Variants in ABCB7 observed in about 807,000 individuals in gnomAD.
ABCB7 encodes ATP binding cassette subfamily B member 7.
Under a neutral mutation model 54.4 loss-of-function variants are expected in ABCB7, and 7 were observed. The observed-to-expected ratio is 0.13, with a 90% CI of 0.07 to 0.24. The LOEUF is 0.24. Ranked by LOEUF, ABCB7 falls within the 10% of genes least tolerant of loss-of-function variation. The probability of loss-of-function intolerance (pLI) is 1.00; values close to 1 mark genes in which losing one functional copy is unlikely to be tolerated. For synonymous variants in ABCB7, 218 were observed against 207.1 expected, an observed-to-expected ratio of 1.05 and a Z score of -0.45; for missense variants, 356 against 570.4, an observed-to-expected ratio of 0.62 and a Z score of 3.83.
At chrX:75,146,169 C>G (rs991506030) in intron 1 of ABCB7, among the ~76,000 whole-genome samples, 2 of 110,891 alleles carry the variant, frequency 1.8e-5, no homozygotes, top group Non-Finnish European at 3.8e-5. Flanking sequence ...AGAGATGACA[C>G]AAACAAATGG....
intron 3 of ABCB7, among the ~76,000 whole-genome samples, chrX:75,100,806 G>A (rs1248442946): frequency 2.7e-5 from 3 of 111,793 alleles, no homozygotes; most frequent in Non-Finnish European, 5.7e-5. Context: ...GCCAAATACA[G>A]TGACTGACAT....
At position 75,053,241 on chromosome X, in the gene ABCB7, T is replaced by G; in HGVS notation, c.*129A>C. 2.2e-6 allele frequency: 2 copies of G among 908,325 alleles called. No homozygotes were observed. Among genetic ancestry groups the G allele is most frequent in the Non-Finnish European group, 3.0e-6 (2 of 664,165 alleles). The allele number at this position is 908,325 out of a possible 1,213,427, so 74.9% of individuals were successfully genotyped here. A position where few individuals can be genotyped will look rare whatever the true frequency, so the allele number is the denominator to read the frequency against. ...TGAAAGATGTAAAACTCAAATCCCC[T>G]TTTAAATAAATCTTATCTAAAAGAA... On this transcript the variant is annotated 3_prime_UTR_variant, in exon 16 of 16. Coordinates refer to ENST00000373394, the MANE Select transcript of ABCB7 (RefSeq NM_001271696.3).
At chrX:75,083,958 G>A (rs2081476353) in intron 4 of ABCB7, among the ~76,000 whole-genome samples, 1 of 110,973 alleles carries the variant, frequency 9.0e-6, no homozygotes, top group African/African-American at 3.3e-5. Flanking sequence ...CTTTATCCTT[G>A]ATTTTGTGGG....
chrX:75,055,047 C>A (rs2081225921), intron 15 of ABCB7, among the ~76,000 whole-genome samples: 2 of 111,640 alleles, frequency 1.8e-5, no homozygotes, highest in African/African-American at 6.5e-5. Context: ...TCTCTATATT[C>A]TCTTTCTTTT....
chrX:75,140,467 A>G (rs776078581), intron 1 of ABCB7, among the ~76,000 whole-genome samples: 8 of 110,912 alleles, frequency 7.2e-5, no homozygotes, highest in Non-Finnish European at 1.3e-4. Flanking sequence ...CCAAATATTG[A>G]AACAAATCCA....
intron 4 of ABCB7, among the ~76,000 whole-genome samples, chrX:75,079,765 C>T (rs1209494870): frequency 9.0e-6 from 1 of 111,527 alleles, no homozygotes; most frequent in Non-Finnish European, 1.9e-5. Context: ...TGCAATTTTA[C>T]CGCACGTTCA....
intron 4 of ABCB7, among the ~76,000 whole-genome samples, chrX:75,081,084 A>G (rs1181228353): frequency 1.8e-5 from 2 of 111,941 alleles, no homozygotes; most frequent in Non-Finnish European, 3.8e-5. Context: ...AAGTGGTGAC[A>G]CAGGAGGCCT....
At chrX:75,131,929 G>A (rs2081977220) in intron 1 of ABCB7, among the ~76,000 whole-genome samples, 1 of 111,377 alleles carries the variant, frequency 9.0e-6, no homozygotes, top group South Asian at 3.8e-4. Context: ...TTTTGAGCTG[G>A]AGAAGGAAAA....
chrX:75,146,453 T>C (rs2082091746), intron 1 of ABCB7, among the ~76,000 whole-genome samples: 1 of 111,881 alleles, frequency 8.9e-6, no homozygotes, highest in Admixed American at 9.5e-5. Context: ...AACCGCATGG[T>C]ACTGGTACAA....
At chrX:75,053,954 TAC>T (rs1374461901) in intron 15 of ABCB7, among the ~76,000 whole-genome samples, 1 of 112,431 alleles carries the variant, frequency 8.9e-6, no homozygotes, top group African/African-American at 3.2e-5. Context: ...CACTGTTATT[TAC>T]AGAGACTTAA....
chrX:75,150,131 C>G (rs967280068), intron 1 of ABCB7, among the ~76,000 whole-genome samples: 3 of 111,135 alleles, frequency 2.7e-5, no homozygotes, highest in Non-Finnish European at 5.7e-5. Flanking sequence ...AAAGCAGGGA[C>G]AAAACCCATG....
chrX:75,077,641 A>G (rs992175539), intron 4 of ABCB7, among the ~76,000 whole-genome samples: 1 of 111,827 alleles, frequency 8.9e-6, no homozygotes, highest in Non-Finnish European at 1.9e-5. Context: ...TTTAGCTATA[A>G]CTGATAGAAG....
At chrX:75,093,283 GA>G (rs1400619088) in intron 4 of ABCB7, among the ~76,000 whole-genome samples, 1 of 111,539 alleles carries the variant, frequency 9.0e-6, no homozygotes, top group African/African-American at 3.3e-5. Flanking sequence ...TGAATATCTT[GA>G]AATACATATT....
At chrX:75,127,047 AACTCATC>A (rs1433651384) in intron 1 of ABCB7, among the ~76,000 whole-genome samples, 1 of 111,784 alleles carries the variant, frequency 8.9e-6, no homozygotes, top group African/African-American at 3.3e-5. Context: ...ACTCCTCTCT[AACTCATC>A]TTATGTGGTT....
chrX:75,068,389 T>C (rs1356471283), intron 12 of ABCB7, among the ~76,000 whole-genome samples: 1 of 111,903 alleles, frequency 8.9e-6, no homozygotes, highest in African/African-American at 3.2e-5. Context: ...ATCTACTTCT[T>C]AACTTCTCAG....
intron 4 of ABCB7, among the ~76,000 whole-genome samples, chrX:75,078,159 G>A (rs2081426397): frequency 9.1e-6 from 1 of 109,736 alleles, no homozygotes; most frequent in African/African-American, 3.3e-5. Context: ...TGATCCGCCC[G>A]CCTCGGCCTC....
At chrX:75,116,522 G>C (rs905830684) in intron 1 of ABCB7, among the ~76,000 whole-genome samples, 2 of 111,543 alleles carry the variant, frequency 1.8e-5, no homozygotes, top group Non-Finnish European at 3.8e-5. Context: ...TTTCAAAAGT[G>C]GAGCTGAAAG....
intron 1 of ABCB7, among the ~76,000 whole-genome samples, chrX:75,127,218 G>C (rs1006953179): frequency 9.0e-6 from 1 of 111,470 alleles, no homozygotes; most frequent in Non-Finnish European, 1.9e-5. Context: ...CCACAATCAA[G>C]TTGGCTTCAC....
intron 3 of ABCB7, among the ~76,000 whole-genome samples, chrX:75,107,434 T>C (rs1489235584): frequency 9.0e-6 from 1 of 111,358 alleles, no homozygotes; most frequent in Non-Finnish European, 1.9e-5. Flanking sequence ...CAGCCACTGC[T>C]CCCAAACAGA....
Sources: allele counts gnomAD v4.1 joint callset (sites outside exome capture counted in the v4.1 genomes callset), GRCh38; gene constraint gnomAD v4.1.1; transcripts MANE v1.5; gene names NCBI Gene and HGNC (gene_info 2026-07-23, HGNC 2026-07-21).